Variants in GPC5 observed in about 807,000 individuals in gnomAD.
GPC5 encodes the protein glypican 5.
Under a neutral mutation model 53.9 loss-of-function variants are expected in GPC5, and 47 were observed. The observed-to-expected ratio is 0.87, with a 90% confidence interval of 0.69 to 1.11. The LOEUF is 1.11. Ranked by LOEUF, GPC5 falls within the 50% of genes most tolerant of loss-of-function variation. The pLI is 0.00. For missense variants in GPC5, 748 were observed against 713.1 expected (o/e 1.05, Z -0.56); for synonymous variants, 286 against 263.3 (o/e 1.09, Z -0.84).
intron 2 of GPC5, among the ~76,000 whole-genome samples, chr13:91,453,945 T>C (rs1881365175): frequency 6.6e-6 from 1 of 152,090 alleles, no homozygotes; most frequent in African/African-American, 2.4e-5. Flanking sequence ...ACTCCTAATA[T>C]GCCGACATAT....
chr13:91,716,495 G>A (rs1219487606), intron 3 of GPC5, among the ~76,000 whole-genome samples: 2 of 152,102 alleles, frequency 1.3e-5, no homozygotes, highest in Non-Finnish European at 2.9e-5. Context: ...TAAATATTGA[G>A]GTTGATCAGC....
chr13:92,416,872 A>G (rs111355554), intron 7 of GPC5, among the ~76,000 whole-genome samples: 2 of 152,326 alleles, frequency 1.3e-5, no homozygotes, highest in African/African-American at 2.4e-5. Context: ...CAAATCAATA[A>G]TAGAAAATAA....
chr13:91,965,165 T>G (rs1247171098), intron 6 of GPC5, among the ~76,000 whole-genome samples: 1 of 151,912 alleles, frequency 6.6e-6, no homozygotes, highest in African/African-American at 2.4e-5. Context: ...CACACCAACA[T>G]GGCAAATGTA....
At chr13:92,237,568 TC>T (rs2042579628) in intron 7 of GPC5, among the ~76,000 whole-genome samples, 1 of 152,144 alleles carries the variant, frequency 6.6e-6, no homozygotes, top group Non-Finnish European at 1.5e-5. Context: ...AAAATCATGA[TC>T]ATATAATTAT....
At chr13:92,018,132 T>C (rs1010103196) in intron 6 of GPC5, among the ~76,000 whole-genome samples, 9 of 152,244 alleles carry the variant, frequency 5.9e-5, no homozygotes, top group African/African-American at 2.2e-4. Context: ...TCATTGCTAA[T>C]GAAATGCAAC....
intron 6 of GPC5, among the ~76,000 whole-genome samples, chr13:91,979,213 C>A (rs990444018): frequency 1.3e-5 from 2 of 151,466 alleles, no homozygotes; most frequent in African/African-American, 4.8e-5. Context: ...AATAAAAAGC[C>A]CATAGTGATT....
intron 7 of GPC5, among the ~76,000 whole-genome samples, chr13:92,677,641 A>G (rs150754300): frequency 4.6e-5 from 7 of 152,348 alleles, no homozygotes; most frequent in Non-Finnish European, 8.8e-5. Context: ...ATAGAGAGGC[A>G]TCCCACATGA....
intron 2 of GPC5, among the ~76,000 whole-genome samples, chr13:91,674,126 G>T (rs79136006): frequency 6.6e-6 from 1 of 152,118 alleles, no homozygotes; most frequent in Non-Finnish European, 1.5e-5. Flanking sequence ...CAAGTTTCAT[G>T]CATCAAGTAT....
At chr13:92,076,052 TAGAG>T (rs1188120956) in intron 6 of GPC5, among the ~76,000 whole-genome samples, 1 of 150,630 alleles carries the variant, frequency 6.6e-6, no homozygotes, top group Non-Finnish European at 1.5e-5. Flanking sequence ...CCATGTGTCT[TAGAG>T]AGGGAAAGTT....
At chr13:92,369,498 A>G (rs1037073920) in intron 7 of GPC5, among the ~76,000 whole-genome samples, 1 of 152,210 alleles carries the variant, frequency 6.6e-6, no homozygotes, top group Non-Finnish European at 1.5e-5. Flanking sequence ...TTAATGTTTT[A>G]GTTGTTGTTT....
chr13:92,787,923 T>C (rs1166095103), intron 7 of GPC5, among the ~76,000 whole-genome samples: 2 of 148,636 alleles, frequency 1.3e-5, no homozygotes, highest in African/African-American at 2.5e-5. Context: ...AGGAAGGAGA[T>C]TTTTATTTTA....
At position 92,423,029 on chromosome 13, in the gene GPC5, A is replaced by G. The variant is rs563868182; in HGVS notation, c.1561+278040A>G. On this transcript the variant is annotated intron_variant, in intron 7 of 7. Transcript: ENST00000377067. ...AGTTCTGAAGGTGGAGAAGCCCAAG[A>G]TCAAGGTGCCAGTACATTGAGTGTA... is the stretch of plus-strand genomic sequence containing the variant. Among the ~76,000 whole-genome samples the G allele has an allele frequency of 7.9e-5, 12 of 152,352 alleles. No individual in the cohort carries two copies. The South Asian group carries it at 2.3e-3, about 29-fold the overall frequency.
At chr13:92,254,187 C>T (rs1021749014) in intron 7 of GPC5, among the ~76,000 whole-genome samples, 5 of 151,984 alleles carry the variant, frequency 3.3e-5, no homozygotes, top group African/African-American at 1.2e-4. Flanking sequence ...GTTGGGTTTC[C>T]CCATTGGATG....
In GPC5 at chr13:91,802,116, T is replaced by C. The variant is rs113129284; in HGVS notation, c.1280+45696T>C. Among the ~76,000 whole-genome samples, 1,484 of 152,338 alleles carry C rather than the reference T, an allele frequency of 9.7e-3. 20 individuals carry two copies. Among genetic ancestry groups the C allele is most frequent in the African/African-American group, 0.034 (1,423 of 41,576 alleles). On this transcript the variant is annotated intron_variant, in intron 5 of 7. Transcript: ENST00000377067. ...TAGTGTGTCTGGAATTGGTTCCTTC[T>C]GGTGGGTTCTTGGTCTCACTGACTT... is the stretch of plus-strand genomic sequence containing the variant.
chr13:92,492,116 T>C (rs1879785445), intron 7 of GPC5, among the ~76,000 whole-genome samples: 1 of 152,132 alleles, frequency 6.6e-6, no homozygotes, highest in East Asian at 1.9e-4. Context: ...ACAATACATA[T>C]AGAAGAAGCA....
chr13:92,821,162 C>T (rs1456221963), intron 7 of GPC5, among the ~76,000 whole-genome samples: 1 of 152,118 alleles, frequency 6.6e-6, no homozygotes, highest in East Asian at 1.9e-4. Flanking sequence ...AACTATCTTT[C>T]CTGCCAAACT....
At chr13:91,882,427 TTTG>T (rs2039274193) in intron 5 of GPC5, among the ~76,000 whole-genome samples, 1 of 152,022 alleles carries the variant, frequency 6.6e-6, no homozygotes, top group Non-Finnish European at 1.5e-5. Flanking sequence ...CATTTAGTGT[TTTG>T]TTTTGTAACA....
intron 7 of GPC5, among the ~76,000 whole-genome samples, chr13:92,655,437 C>T (rs550852029): frequency 3.3e-5 from 5 of 152,188 alleles, no homozygotes; most frequent in East Asian, 3.9e-4. Flanking sequence ...TCGGTTCAAG[C>T]GATTCTCTTG....
intron 2 of GPC5, among the ~76,000 whole-genome samples, chr13:91,630,779 C>T (rs2034136885): frequency 6.6e-6 from 1 of 152,252 alleles, no homozygotes; most frequent in Admixed American, 6.5e-5. Flanking sequence ...CACACCTTTT[C>T]TTCTGGGGAA....
Sources: gnomAD v4.1 joint callset for allele counts (sites outside exome capture counted in the v4.1 genomes callset) on GRCh38, gnomAD v4.1.1 for gene constraint, MANE v1.5 for transcripts, NCBI Gene and HGNC (gene_info 2026-07-23, HGNC 2026-07-21) for gene names.